KIAA0753: variants seen among roughly 807,000 people sequenced by gnomAD.
KIAA0753 encodes the protein KIAA0753.
In KIAA0753, 114 loss-of-function variants were observed where a neutral mutation model predicts 116.9. The ratio of observed to expected loss-of-function variants is 0.98; its 90% CI spans 0.84 to 1.14. The LOEUF is 1.14. Ranked by LOEUF, KIAA0753 falls within the 50% of genes most tolerant of loss-of-function variation. The probability of loss-of-function intolerance (pLI) is 0.00; values close to 1 mark genes in which losing one functional copy is unlikely to be tolerated. For synonymous variants in KIAA0753, 405 were observed against 413.1 expected, an observed-to-expected ratio of 0.98 and a Z score of 0.24; for missense variants, 1,156 against 1,172.4, an observed-to-expected ratio of 0.99 and a Z score of 0.20.
intron 2 of KIAA0753, 125 bp downstream of exon 2, chr17:6,634,886 A>C: frequency 1.5e-6 from 1 of 674,912 alleles, no homozygotes; most frequent in Non-Finnish European, 2.6e-6. Flanking sequence ...AGGTAGAAAA[A>C]CAGAAAAAAT....
At chr17:6,619,739 T>A (rs1306279873) in intron 7 of KIAA0753, among the ~76,000 whole-genome samples, 1 of 152,212 alleles carries the variant, frequency 6.6e-6, no homozygotes, top group East Asian at 1.9e-4. Flanking sequence ...TATGTTCTAC[T>A]TTAATTTAAA....
chr17:6,615,232 G>A (rs1392851911), intron 7 of KIAA0753, among the ~76,000 whole-genome samples: 1 of 152,110 alleles, frequency 6.6e-6, no homozygotes, highest in Non-Finnish European at 1.5e-5. Context: ...ACTGCGCCTG[G>A]CCCATAAGTT....
chr17:6,600,583 A>T, intron 12 of KIAA0753, 125 bp from the exon 13 acceptor site: 1 of 663,144 alleles, frequency 1.5e-6, no homozygotes, highest in Non-Finnish European at 2.6e-6. Flanking sequence ...GTTCATGGCC[A>T]TATCAATCTC....
At chr17:6,608,237 CA>C (rs1970315046) in intron 10 of KIAA0753, 110 bp downstream of exon 10, 1 of 484,496 alleles carries the variant, frequency 2.1e-6, no homozygotes, top group Non-Finnish European at 3.7e-6. Context: ...AAATAATCTA[CA>C]TTTTAAATAA....
intron 6 of KIAA0753, among the ~76,000 whole-genome samples, chr17:6,621,611 G>A (rs562911626): frequency 1.2e-4 from 19 of 152,170 alleles, no homozygotes; most frequent in Non-Finnish European, 2.1e-4. Context: ...AAGAAAACAT[G>A]CTGTGAAATG....
chr17:6,610,439 C>CACAATTTG (rs1970458367), intron 8 of KIAA0753, among the ~76,000 whole-genome samples: 1 of 150,000 alleles, frequency 6.7e-6, no homozygotes, highest in Non-Finnish European at 1.5e-5. Flanking sequence ...TTTATTTATT[C>CACAATTTG]ACAATTTGTT....
At chr17:6,602,957 T>C (rs1969972262) in intron 12 of KIAA0753, among the ~76,000 whole-genome samples, 4 of 152,122 alleles carry the variant, frequency 2.6e-5, no homozygotes, top group African/African-American at 7.2e-5. Context: ...TGTGTTAATA[T>C]ATTCAGAAAG....
rs773761520 is a variant in KIAA0753 at position 6,624,855 on chromosome 17, A to G, written c.725T>C (p.Leu242Pro). 1 of 1,551,736 alleles carries G rather than the reference A, an allele frequency of 6.4e-7. No homozygotes were observed. Among genetic ancestry groups the G allele is most frequent in the South Asian group, 1.2e-5 (1 of 84,392 alleles). ...KIEEVTKKDR[L>P]EEALDPDEER... ...TTCATCTGGATCCAAAGCTTCTTCT[A>G]GTCTATCTGAAAATATTAATAGTTT... Residue 242 changes from leucine to proline, a missense_variant, in exon 4 of 19, where the codon CTA becomes CCA. By Grantham distance (98) the Leu-to-Pro change is moderately conservative. Coordinates refer to ENST00000361413, the MANE Select transcript of KIAA0753 (RefSeq NM_014804.3).
chr17:6,622,700 A>G (rs1033562510), intron 6 of KIAA0753, among the ~76,000 whole-genome samples, 182 bp downstream of exon 6: 1 of 152,256 alleles, frequency 6.6e-6, no homozygotes, highest in African/African-American at 2.4e-5. Flanking sequence ...GTGAAATACG[A>G]TAATACAGAC....
chr17:6,629,819 A>G (rs1370432285), intron 2 of KIAA0753, among the ~76,000 whole-genome samples: 1 of 152,258 alleles, frequency 6.6e-6, no homozygotes, highest in African/African-American at 2.4e-5. Context: ...GGATTTTTAA[A>G]AAGTAGTTAG....
At chr17:6,588,674 A>ATAGT (rs377657556) in intron 18 of KIAA0753, among the ~76,000 whole-genome samples, 285 of 152,364 alleles carry the variant, frequency 1.9e-3, no homozygotes, top group Non-Finnish European at 3.2e-3. Flanking sequence ...AAATGTAATT[A>ATAGT]TAGTATACTA....
Position 6,578,647 on chromosome 17 carries a change from C to T in KIAA0753, c.*1100G>A, listed in dbSNP as rs1967928617. ...CAGGTTATAAAGAGTTCCCTTATTC[C>T]CTGGGGGCGTCTCAGGCATTCTTTC... On this transcript the variant is annotated 3_prime_UTR_variant, in exon 19 of 19. Coordinates refer to ENST00000361413, the MANE Select transcript of KIAA0753 (RefSeq NM_014804.3). 1 of 152,170 alleles carries T rather than the reference C, an allele frequency of 6.6e-6. No individual in the cohort carries two copies. Among genetic ancestry groups the T allele is most frequent in the Non-Finnish European group, 1.5e-5 (1 of 68,034 alleles). The allele number at this position is 152,170 out of a possible 1,614,324, so 9.4% of individuals were successfully genotyped here. A position where few individuals can be genotyped will look rare whatever the true frequency, so the allele number is the denominator to read the frequency against.
intron 1 of KIAA0753, 41 bp from the exon 2 acceptor site, chr17:6,635,212 C>T: frequency 7.6e-6 from 6 of 789,280 alleles, no homozygotes; most frequent in Non-Finnish European, 1.3e-5. Flanking sequence ...CAGCGTTGAA[C>T]AAGGGAAAAG....
At position 6,635,041 on chromosome 17, in the gene KIAA0753, C is replaced by T. The variant is rs777649204; in HGVS notation, c.63G>A (p.Gly21=). Residue 21 remains glycine (G), a synonymous_variant, in exon 2 of 19, where the codon GGG becomes GGA. Coordinates refer to ENST00000361413, the MANE Select transcript of KIAA0753 (RefSeq NM_014804.3). The stretch of plus-strand genomic sequence containing the variant: ...TCTGAAGTACTTTGGGGTCGCTCCT[C>T]CCATCAAGTTGGGTCCTAGGTGCTA... ...VHLAPRTQLD[G]RSDPKVLQTQ... 1 of 1,613,504 alleles carries T rather than the reference C, an allele frequency of 6.2e-7. No individual in the cohort carries two copies. Among genetic ancestry groups the T allele is most frequent in the Non-Finnish European group, 8.5e-7 (1 of 1,179,446 alleles).
At chr17:6,627,869 T>C (rs1971770422) in intron 3 of KIAA0753, among the ~76,000 whole-genome samples, 1 of 152,096 alleles carries the variant, frequency 6.6e-6, no homozygotes, top group Non-Finnish European at 1.5e-5. Context: ...CCTCAGTCAG[T>C]GGACATTTGA....
intron 2 of KIAA0753, among the ~76,000 whole-genome samples, chr17:6,632,241 A>G (rs1196364591): frequency 6.6e-6 from 1 of 152,192 alleles, no homozygotes; most frequent in Non-Finnish European, 1.5e-5. Flanking sequence ...TCAAAGACTG[A>G]TGAGATCATG....
chr17:6,613,553 GT>G (rs1282534466), intron 7 of KIAA0753, among the ~76,000 whole-genome samples: 32 of 152,296 alleles, frequency 2.1e-4, no homozygotes, highest in African/African-American at 7.2e-4. Context: ...ATTAAAGGCA[GT>G]GTGGGAGTGA....
At position 6,579,522 on chromosome 17, in the gene KIAA0753, G is replaced by A; in HGVS notation, c.*225C>T. ...GCCATAATCAAGTTGTGTTGCCTGGGCACTGATAAGTGTGATACATTGCAT... is the reference window on the plus strand; with the variant it reads ...GCCATAATCAAGTTGTGTTGCCTGGACACTGATAAGTGTGATACATTGCAT... On this transcript the variant is annotated 3_prime_UTR_variant, in exon 19 of 19. Transcript: ENST00000361413. The A allele has an allele frequency of 2.1e-6, 1 of 472,772 alleles. No individual in the cohort carries two copies. Among genetic ancestry groups the A allele is most frequent in the South Asian group, 3.6e-5 (1 of 27,706 alleles). 29.3% of individuals were successfully genotyped at this position (472,772 alleles called of 1,614,324 possible).
At chr17:6,616,896 T>C (rs985137304) in intron 7 of KIAA0753, among the ~76,000 whole-genome samples, 6 of 152,342 alleles carry the variant, frequency 3.9e-5, no homozygotes, top group Admixed American at 3.9e-4. Context: ...GAGGTGGGAC[T>C]AAAATCTAGG....
Sources: gnomAD v4.1 joint callset for allele counts (sites outside exome capture counted in the v4.1 genomes callset) on GRCh38, gnomAD v4.1.1 for gene constraint, MANE v1.5 for transcripts, NCBI Gene and HGNC (gene_info 2026-07-23, HGNC 2026-07-21) for gene names.